Variants in ANXA4 observed in about 807,000 individuals in gnomAD.
The protein encoded by ANXA4 is 35-beta calcimedin.
A neutral mutation model predicts 49.8 loss-of-function variants in ANXA4; 39 were observed. That is an observed-to-expected ratio of 0.78 (90% CI 0.61 to 1.02). The LOEUF (loss-of-function observed/expected upper bound fraction) is 1.02. ANXA4 is among the 50% of genes least tolerant of loss of function. ANXA4 has a pLI of 0.00. For missense variants in ANXA4, 360 were observed against 410.1 expected, an observed-to-expected ratio of 0.88 and a Z score of 1.05; for synonymous variants, 134 against 152.5, an observed-to-expected ratio of 0.88 and a Z score of 0.89.
intron 1 of ANXA4, among the ~76,000 whole-genome samples, chr2:69,770,418 T>A (rs921370927): frequency 1.5e-4 from 23 of 152,148 alleles, no homozygotes; most frequent in Non-Finnish European, 3.2e-4. Context: ...TGAAACCATG[T>A]ACCAAAGAAA....
At chr2:69,741,937 C>A (rs952967070), upstream of ANXA4, 7 of 152,290 alleles carry the variant, frequency 4.6e-5, no homozygotes, top group Admixed American at 3.9e-4. Flanking sequence ...AGGGCGGACC[C>A]GCCGGGGGTC....
upstream of ANXA4, chr2:69,643,959 A>G (rs1455591374): frequency 9.8e-7 from 1 of 1,023,600 alleles, no homozygotes; most frequent in Non-Finnish European, 1.2e-6. Flanking sequence ...AAGACTGTTG[A>G]TATCACCCGA....
In ANXA4 at chr2:69,663,388, A is replaced by G. The variant is rs144459974; in HGVS notation, n.766+10106A>G. Among the ~76,000 whole-genome samples, 208 of 145,460 alleles carry G rather than the reference A, an allele frequency of 1.4e-3. 6 individuals carry two copies. The East Asian group carries it at 0.04, about 28-fold the overall frequency. On this transcript the variant is annotated intron_variant and non_coding_transcript_variant, in intron 2 of 3. Coordinates refer to the ANXA4 transcript ENST00000418066. Reference sequence around the variant, plus strand: ...AAGGTCATCACAATATAAGGGAAGGATCTGACAATAAAGATAGAATCCAAA... The same window carrying G: ...AAGGTCATCACAATATAAGGGAAGGGTCTGACAATAAAGATAGAATCCAAA...
chr2:69,668,015 C>T (rs1677004979), intron 2 of ANXA4, among the ~76,000 whole-genome samples: 1 of 152,212 alleles, frequency 6.6e-6, no homozygotes, highest in Non-Finnish European at 1.5e-5. Context: ...CTGCTCGTCT[C>T]ATGTCTGATA....
intron 1 of ANXA4, among the ~76,000 whole-genome samples, chr2:69,779,575 CCTT>C (rs1672113518): frequency 6.6e-6 from 1 of 152,200 alleles, no homozygotes; most frequent in Non-Finnish European, 1.5e-5. Flanking sequence ...CTTCTTAACT[CCTT>C]CTCTCTCACT....
intron 1 of ANXA4, among the ~76,000 whole-genome samples, chr2:69,750,315 C>G (rs1009755814): frequency 6.6e-6 from 1 of 152,178 alleles, no homozygotes; most frequent in African/African-American, 2.4e-5. Flanking sequence ...AAGCAGCCAC[C>G]GCTCATTCTT....
chr2:69,651,259 C>T (rs527482318), intron 1 of ANXA4, among the ~76,000 whole-genome samples: 26 of 152,252 alleles, frequency 1.7e-4, no homozygotes, highest in African/African-American at 6.3e-4. Flanking sequence ...GAGTCCTACC[C>T]ACTTGGGAGA....
At chr2:69,755,442 A>C (rs1444806798) in intron 1 of ANXA4, among the ~76,000 whole-genome samples, 1 of 152,174 alleles carries the variant, frequency 6.6e-6, no homozygotes, top group Non-Finnish European at 1.5e-5. Context: ...CAACATGGTG[A>C]AACCCTGTCC....
intron 4 of ANXA4, among the ~76,000 whole-genome samples, chr2:69,805,004 G>T (rs1210107923): frequency 8.4e-6 from 1 of 118,546 alleles, no homozygotes; most frequent in Non-Finnish European, 1.6e-5. Context: ...CCAAGATCAT[G>T]CCACTTCACT....
intron 2 of ANXA4, among the ~76,000 whole-genome samples, chr2:69,685,704 G>A (rs1218767900): frequency 4.6e-5 from 7 of 152,176 alleles, no homozygotes; most frequent in Admixed American, 4.6e-4. Context: ...GTGAGAATAA[G>A]CAATACTTGC....
intron 2 of ANXA4, among the ~76,000 whole-genome samples, chr2:69,712,594 G>A (rs1444788986): frequency 6.6e-6 from 1 of 152,142 alleles, no homozygotes; most frequent in Non-Finnish European, 1.5e-5. Flanking sequence ...AATTTGCAAT[G>A]GTTCTGGGCC....
intron 2 of ANXA4, among the ~76,000 whole-genome samples, chr2:69,681,608 A>G (rs779628549): frequency 1.5e-4 from 23 of 152,128 alleles, no homozygotes; most frequent in Non-Finnish European, 2.2e-4. Context: ...CTGGGATTAC[A>G]GGCATGAGCC....
In ANXA4 at chr2:69,810,636, C is replaced by T. The variant is rs867591932; in HGVS notation, c.440C>T (p.Ser147Leu). The change falls in exon 7 of 13, where the codon TCG (serine) becomes TTG (leucine). Residue 147 changes from serine (S) to leucine (L), a missense_variant. Coordinates refer to ENST00000394295, the MANE Select transcript of ANXA4 (RefSeq NM_001153.5). ...GAAGATGACATTCGCTCTGACACATCGTTCATGTTCCAGCGAGTGCTGGTG... is the reference window on the plus strand; with the variant it reads ...GAAGATGACATTCGCTCTGACACATTGTTCATGTTCCAGCGAGTGCTGGTG... ...SLEDDIRSDT[S>L]FMFQRVLVSL... is the part of the protein sequence containing the mutation. 3 of 1,613,976 alleles carry T rather than the reference C, an allele frequency of 1.9e-6. No individual in the cohort carries two copies. Among genetic ancestry groups the T allele is most frequent in the South Asian group, 1.1e-5 (1 of 91,084 alleles).
At chr2:69,820,186 T>G (rs1558527363) in intron 11 of ANXA4, among the ~76,000 whole-genome samples, 1 of 150,716 alleles carries the variant, frequency 6.6e-6, no homozygotes, top group African/African-American at 2.4e-5. Context: ...CAAGACAGAA[T>G]GTAAGACAGT....
chr2:69,669,567 C>T lies in ANXA4; in HGVS notation n.766+16285C>T, dbSNP rs1363167428. Among the ~76,000 whole-genome samples the T allele has an allele frequency of 5.3e-5, 8 of 151,418 alleles. No individual in the cohort carries two copies. The East Asian group carries it at 1.6e-3, about 30-fold the overall frequency. On this transcript the variant is annotated intron_variant and non_coding_transcript_variant, in intron 2 of 3. Transcript: ENST00000418066. ...CAGAGGTTGCAATGAGCCGAGATCGCGCCACTGCACTCTAGCCTGGGCGAC... is the reference window on the plus strand; with the variant it reads ...CAGAGGTTGCAATGAGCCGAGATCGTGCCACTGCACTCTAGCCTGGGCGAC...
At chr2:69,665,199 T>G (rs1256345591) in intron 2 of ANXA4, among the ~76,000 whole-genome samples, 2 of 152,222 alleles carry the variant, frequency 1.3e-5, no homozygotes, top group African/African-American at 4.8e-5. Context: ...GCTCGTAATA[T>G]GTGCCTTTGG....
rs755320405 is a variant in ANXA4, at chr2:69,706,909, G to A, written n.767-13865G>A. 3.9e-5 allele frequency among the ~76,000 whole-genome samples: 6 copies of A among 152,114 alleles called. No homozygotes were observed. The East Asian group carries it at 5.8e-4, about 15-fold the overall frequency. Reference sequence around the variant, plus strand: ...TATGTCATCTACCAAGTTAATGTTCGTATCATCTTCCTCCTTTATTTCACA... The same window carrying A: ...TATGTCATCTACCAAGTTAATGTTCATATCATCTTCCTCCTTTATTTCACA... On this transcript the variant is annotated intron_variant and non_coding_transcript_variant, in intron 2 of 3. Coordinates refer to the ANXA4 transcript ENST00000418066.
intron 2 of ANXA4, among the ~76,000 whole-genome samples, chr2:69,704,546 G>T (rs1177417312): frequency 6.6e-6 from 1 of 152,192 alleles, no homozygotes; most frequent in Non-Finnish European, 1.5e-5. Flanking sequence ...TCTGGTAGTT[G>T]GTTCTGTGTC....
chr2:69,744,734 C>G (rs902259495), intron 1 of ANXA4, among the ~76,000 whole-genome samples: 1 of 151,982 alleles, frequency 6.6e-6, no homozygotes, highest in Non-Finnish European at 1.5e-5. Context: ...AAGTTCAGAC[C>G]ATTTGTGAAC....
Sources: allele counts gnomAD v4.1 joint callset (sites outside exome capture counted in the v4.1 genomes callset), GRCh38; gene constraint gnomAD v4.1.1; transcripts MANE v1.5; gene names NCBI Gene and HGNC (gene_info 2026-07-23, HGNC 2026-07-21).